Variants in AJAP1 observed in about 807,000 individuals in gnomAD.
AJAP1 encodes adherens junctions associated protein 1, also known as adherens junction-associated protein 1.
AJAP1 carries 5 observed loss-of-function variants against 35.0 expected under a neutral mutation model. The observed-to-expected ratio is 0.14, with a 90% CI of 0.07 to 0.30. The LOEUF is 0.30. AJAP1 is among the 10% of genes least tolerant of loss of function. The pLI is 1.00. For synonymous variants in AJAP1, 284 were observed against 249.3 expected (o/e 1.14, Z -1.31); for missense variants, 586 against 571.0 (o/e 1.03, Z -0.27).
At chr1:4,690,916 C>T (rs948775325) in intron 1 of AJAP1, among the ~76,000 whole-genome samples, 3 of 152,186 alleles carry the variant, frequency 2.0e-5, no homozygotes, top group Admixed American at 6.5e-5. Context: ...GGTCATTGGC[C>T]TGGGTCTGAC....
chr1:4,711,595 G>A (rs890826057), intron 1 of AJAP1, among the ~76,000 whole-genome samples: 3 of 152,212 alleles, frequency 2.0e-5, no homozygotes, highest in Admixed American at 6.5e-5. Flanking sequence ...CTGAGGCTCG[G>A]TTTTCGCTCG....
chr1:4,774,527 G>A lies in AJAP1; in HGVS notation c.*28G>A. 6.2e-7 allele frequency: 1 copy of A among 1,605,318 alleles called. No homozygotes were observed. Among genetic ancestry groups the A allele is most frequent in the Non-Finnish European group, 8.5e-7 (1 of 1,172,494 alleles). ...GGCCGAAGTCTTTTTTACCTCCTGG[G>A]GGCAGGGCAGACGCCGTGTGTCTGT... is the stretch of plus-strand genomic sequence containing the variant. On this transcript the variant is annotated 3_prime_UTR_variant, in exon 5 of 6. Coordinates refer to ENST00000378191, the MANE Select transcript of AJAP1 (RefSeq NM_018836.4).
In AJAP1 at chr1:4,784,667, A is replaced by G. The variant is rs1161982778; in HGVS notation, c.*2182A>G. ...CAGTGTTGAGATCTGTATCCATGGT[A>G]TTGCTCACAAATTAGGAAAAGTTGT... On this transcript the variant is annotated 3_prime_UTR_variant, in exon 6 of 6. Coordinates refer to ENST00000378191, the MANE Select transcript of AJAP1 (RefSeq NM_018836.4). 3 of 152,202 alleles carry G rather than the reference A, an allele frequency of 2.0e-5. No homozygotes were observed. The highest frequency in any genetic ancestry group is 4.4e-5 in the Non-Finnish European group (3 of 68,044). The allele number at this position is 152,202 out of a possible 1,614,324, so 9.4% of individuals were successfully genotyped here. A position where few individuals can be genotyped will look rare whatever the true frequency, so the allele number is the denominator to read the frequency against.
rs201524940 is a variant in AJAP1, at chr1:4,772,461, G to C, written c.1099G>C (p.Val367Leu). The change falls in exon 4 of 6, where the codon GTG becomes CTG. Residue 367 changes from valine (V) to leucine (L), a missense_variant. Coordinates refer to ENST00000378191, the MANE Select transcript of AJAP1 (RefSeq NM_018836.4). ...CGAGTGCGTCAGGGCATCTGTGCCC[G>C]TGTACACCGATGAGACGCTGCACTC... is the stretch of plus-strand genomic sequence containing the variant. ...SHECVRASVP[V>L]YTDETLHSTT... is the part of the protein sequence containing the mutation. 1.2e-6 allele frequency: 2 copies of C among 1,614,210 alleles called. No individual in the cohort carries two copies. The highest frequency in any genetic ancestry group is 2.2e-5 in the South Asian group (2 of 91,084).
In AJAP1 at chr1:4,693,655, G is replaced by C. The variant is rs976596802; in HGVS notation, c.30-18245G>C. ...GGCTCTAACAATATATGTGAGACTG[G>C]GCATTTTATAAAAAGCAGAGATTTA... On this transcript the variant is annotated intron_variant, in intron 1 of 5. Transcript: ENST00000378191. This position sits in a 1 kb window ranked among gnomAD's most constrained non-coding sequence, Gnocchi z 4.4. Among the ~76,000 whole-genome samples, 1 of 152,150 alleles carries C rather than the reference G, an allele frequency of 6.6e-6. No individual in the cohort carries two copies. The highest frequency in any genetic ancestry group is 2.4e-5 in the African/African-American group (1 of 41,428).
At chr1:4,680,660 G>C (rs1003230696) in intron 1 of AJAP1, among the ~76,000 whole-genome samples, 4 of 152,180 alleles carry the variant, frequency 2.6e-5, no homozygotes, top group African/African-American at 9.6e-5. Flanking sequence ...CCTTGAGTCT[G>C]GTACATATGC....
rs113270239 is a variant in AJAP1 at position 4,775,060 on chromosome 1, T to C, written c.*59+502T>C. On this transcript the variant is annotated intron_variant, in intron 5 of 5. Coordinates refer to ENST00000378191, the MANE Select transcript of AJAP1 (RefSeq NM_018836.4). ...TAAAAATAAGAGATAAGAAAGAAAA[T>C]GATAAAGAAAGAAAGGGAAGAGTTG... 8.5e-3 allele frequency among the ~76,000 whole-genome samples: 1,293 copies of C among 151,592 alleles called. 17 individuals carry two copies. Among genetic ancestry groups the C allele is most frequent in the African/African-American group, 0.03 (1,221 of 41,294 alleles).
At chr1:4,678,090 G>A (rs533274066) in intron 1 of AJAP1, among the ~76,000 whole-genome samples, 6 of 152,270 alleles carry the variant, frequency 3.9e-5, no homozygotes, top group Non-Finnish European at 8.8e-5. Flanking sequence ...ACTGCAGCAG[G>A]GTGTCCCTTT....
chr1:4,707,190 C>A (rs1397398746), intron 1 of AJAP1, among the ~76,000 whole-genome samples: 1 of 152,182 alleles, frequency 6.6e-6, no homozygotes, highest in African/African-American at 2.4e-5. Flanking sequence ...TCCGCCAGGG[C>A]CAGGATTAGG....
rs761790946 is a variant in AJAP1 at position 4,769,871 on chromosome 1, T to C, written c.848T>C (p.Ile283Thr). 3 of 1,614,010 alleles carry C rather than the reference T, an allele frequency of 1.9e-6. No homozygotes were observed. The change falls in exon 3 of 6, where the codon ATC becomes ACC. Residue 283 changes from isoleucine (I) to threonine (T), a missense_variant. By Grantham distance (89) the Ile-to-Thr change is moderately conservative (BLOSUM62 -1). Transcript: ENST00000378191. Reference sequence around the variant, plus strand: ...TTTCCAGGTCTGGCTGTCCATCAGATCATCACCATCACCGTCTCCCTCATC... The same window carrying C: ...TTTCCAGGTCTGGCTGTCCATCAGACCATCACCATCACCGTCTCCCTCATC... ...GEASGLAVHQIITITVSLIMV... is the reference protein window; with the variant it reads ...GEASGLAVHQTITITVSLIMV...
intron 2 of AJAP1, among the ~76,000 whole-genome samples, chr1:4,722,498 C>T (rs1367182961): frequency 6.6e-6 from 1 of 152,260 alleles, no homozygotes; most frequent in Non-Finnish European, 1.5e-5. Context: ...GGAGGCCCAG[C>T]CTTCATCTGT....
At chr1:4,698,070 C>T (rs888725304) in intron 1 of AJAP1, among the ~76,000 whole-genome samples, 2 of 152,264 alleles carry the variant, frequency 1.3e-5, no homozygotes, top group African/African-American at 4.8e-5. Flanking sequence ...ATTTCCTCTC[C>T]TGATGAGAAA....
intron 1 of AJAP1, among the ~76,000 whole-genome samples, chr1:4,709,999 C>T (rs1356483940): frequency 6.6e-6 from 1 of 152,150 alleles, no homozygotes; most frequent in Non-Finnish European, 1.5e-5. Context: ...GGCGTGCCCC[C>T]AGGGATGCGT....
Position 4,654,712 on chromosome 1 carries a change from G to GCGC in AJAP1, c.-704_-702dup, listed in dbSNP as rs1255937847. 6.8e-6 allele frequency: 1 copy of GCGC among 146,408 alleles called. No homozygotes were observed. The highest frequency in any genetic ancestry group is 2.5e-5 in the African/African-American group (1 of 40,778). 9.1% of individuals were successfully genotyped at this position (146,408 alleles called of 1,614,324 possible). A position where few individuals can be genotyped will look rare whatever the true frequency, so the allele number is the denominator to read the frequency against. On this transcript the variant is annotated 5_prime_UTR_variant, in exon 1 of 6. Coordinates refer to ENST00000378191, the MANE Select transcript of AJAP1 (RefSeq NM_018836.4). This position sits in a 1 kb window ranked among gnomAD's most constrained non-coding sequence, Gnocchi z 5.1. ...GATCCCCGCGCGCCTCCTCCGCGCG[G>GCGC]CGCCGCCGCCGCGCGTCCCCACGCC...
chr1:4,711,579 G>A (rs1250103496), intron 1 of AJAP1, among the ~76,000 whole-genome samples: 1 of 152,230 alleles, frequency 6.6e-6, no homozygotes, highest in African/African-American at 2.4e-5. Context: ...GAAAGGCTGG[G>A]GGTTTCTGAG....
rs34180991 is a variant in AJAP1 at position 4,744,625 on chromosome 1, GCACACACACACACA to G, written c.830-25213_830-25200del. ...CATGCACACATGCCCACATGCATAT[GCACACACACACACA>G]CACACACACACACATTCATGCCCAA... is the stretch of plus-strand genomic sequence containing the variant. On this transcript the variant is annotated intron_variant, in intron 2 of 5. Transcript: ENST00000378191. Among the ~76,000 whole-genome samples the G allele has an allele frequency of 6.0e-5, 9 of 149,820 alleles. No homozygotes were observed. In the East Asian group the frequency reaches 1.0e-3, roughly 17 times the overall value.
intron 1 of AJAP1, among the ~76,000 whole-genome samples, chr1:4,702,789 C>T (rs1016012382): frequency 5.9e-5 from 9 of 152,134 alleles, no homozygotes; most frequent in South Asian, 2.1e-4. Context: ...GGTTCTGGGC[C>T]GCCTCCCAGA....
intron 2 of AJAP1, among the ~76,000 whole-genome samples, chr1:4,727,030 AC>A (rs1640679275): frequency 6.6e-6 from 1 of 151,934 alleles, no homozygotes. Context: ...GGCGTGGGCC[AC>A]CCCCCGCAGC....
At chr1:4,748,334 A>G (rs1024339471) in intron 2 of AJAP1, among the ~76,000 whole-genome samples, 1 of 152,108 alleles carries the variant, frequency 6.6e-6, no homozygotes, top group Non-Finnish European at 1.5e-5. Context: ...CCTGTTACTC[A>G]TGATGCCAGG....
Sources: allele counts gnomAD v4.1 joint callset (sites outside exome capture counted in the v4.1 genomes callset), GRCh38; gene constraint gnomAD v4.1.1; non-coding constraint Gnocchi (gnomAD v3.1); transcripts MANE v1.5; gene names NCBI Gene and HGNC (gene_info 2026-07-23, HGNC 2026-07-21).